CPSF3: variants seen among roughly 807,000 people sequenced by gnomAD.
The protein encoded by CPSF3 is cleavage and polyadenylation specific factor 3, also known as cleavage and polyadenylation specificity factor subunit 3.
CPSF3 carries 57 observed loss-of-function variants against 84.1 expected under a neutral mutation model. The observed-to-expected ratio is 0.68, with a 90% CI of 0.55 to 0.85. CPSF3 has a LOEUF of 0.85. Ranked by LOEUF, CPSF3 falls within the 40% of genes least tolerant of loss-of-function variation. The probability of loss-of-function intolerance (pLI) is 0.00; values close to 1 mark genes in which losing one functional copy is unlikely to be tolerated. For missense variants in CPSF3, 522 were observed against 838.8 expected (o/e 0.62, Z 4.66); for synonymous variants, 275 against 278.1 (o/e 0.99, Z 0.11).
chr2:9,465,530 TC>T (rs1681871420), intron 15 of CPSF3, among the ~76,000 whole-genome samples: 1 of 150,718 alleles, frequency 6.6e-6, no homozygotes, highest in Non-Finnish European at 1.5e-5. Flanking sequence ...TCTGGTATTT[TC>T]CCCCATATCA....
At chr2:9,446,570 G>A (rs1479101634) in intron 10 of CPSF3, among the ~76,000 whole-genome samples, 1 of 129,232 alleles carries the variant, frequency 7.7e-6, no homozygotes, top group Non-Finnish European at 1.6e-5. Flanking sequence ...GACGGAGCGA[G>A]ACTCGGTCTC....
rs776542675 is a variant in CPSF3 at position 9,455,653 on chromosome 2, C to G, written c.1505-6C>G. On this transcript the variant is annotated splice_polypyrimidine_tract_variant and splice_region_variant and intron_variant, in intron 12 of 17. Transcript: ENST00000238112. Reference sequence around the variant, plus strand: ...TTCTTCAAGTCTCTTCTCATTTTCTCTTCAGATTATACTGACCTGGCCATG... The same window carrying G: ...TTCTTCAAGTCTCTTCTCATTTTCTGTTCAGATTATACTGACCTGGCCATG... The G allele has an allele frequency of 6.2e-7, 1 of 1,605,736 alleles. No homozygotes were observed. The highest frequency in any genetic ancestry group is 1.1e-5 in the South Asian group (1 of 90,388).
intron 15 of CPSF3, among the ~76,000 whole-genome samples, chr2:9,466,390 GCGCA>G (rs1558466721): frequency 9.2e-5 from 7 of 75,702 alleles, no homozygotes; most frequent in Non-Finnish European, 2.4e-4. Context: ...TCGCACACAC[GCGCA>G]CACACACGCA....
chr2:9,455,614 T>A (rs1313554268), intron 12 of CPSF3, 45 bp from the exon 13 acceptor site: 1 of 1,337,326 alleles, frequency 7.5e-7, no homozygotes, highest in Admixed American at 1.8e-5. Context: ...GTATGTGTTT[T>A]GTAGGACTAG....
Position 9,466,414 on chromosome 2 carries a change from ACGCACACG to A in CPSF3, c.1787-1285_1787-1278del, listed in dbSNP as rs1343133370. 6.1e-3 allele frequency among the ~76,000 whole-genome samples: 897 copies of A among 146,222 alleles called. 4 individuals are homozygous for A. The highest frequency in any genetic ancestry group is 0.022 in the African/African-American group (837 of 38,194). ...CGCGCACACACACGCACGCGCACAC[ACGCACACG>A]CGCACACACGCGCACACACACAAAA... is the stretch of plus-strand genomic sequence containing the variant. On this transcript the variant is annotated intron_variant, in intron 15 of 17. Coordinates refer to ENST00000238112, the MANE Select transcript of CPSF3 (RefSeq NM_016207.4).
At chr2:9,428,011 T>G (rs1680447826) in intron 1 of CPSF3, among the ~76,000 whole-genome samples, 1 of 151,726 alleles carries the variant, frequency 6.6e-6, no homozygotes, top group Admixed American at 6.5e-5. Flanking sequence ...TTTTTTTTTT[T>G]TTTGAGGCAG....
At chr2:9,452,016 A>G (rs1225754732) in intron 11 of CPSF3, among the ~76,000 whole-genome samples, 2 of 152,136 alleles carry the variant, frequency 1.3e-5, no homozygotes, top group Admixed American at 1.3e-4. Context: ...ATGCCCGGCC[A>G]TAAATGAAAC....
At chr2:9,455,944 G>A (rs1681510835) in intron 13 of CPSF3, among the ~76,000 whole-genome samples, 187 bp downstream of exon 13, 1 of 151,692 alleles carries the variant, frequency 6.6e-6, no homozygotes, top group African/African-American at 2.4e-5. Context: ...ATTCTTGCCT[G>A]ACGGTCCTGG....
chr2:9,466,358 ACACACGCACACACCCACG>A (rs1681967755), intron 15 of CPSF3, among the ~76,000 whole-genome samples: 1 of 142,386 alleles, frequency 7.0e-6, no homozygotes, highest in African/African-American at 2.8e-5. Context: ...GCGCGCACAC[ACACACGCACACACCCACG>A]CACTCGCACA....
chr2:9,472,435 T>G (rs561089201), intron 17 of CPSF3, among the ~76,000 whole-genome samples: 2 of 152,266 alleles, frequency 1.3e-5, no homozygotes, highest in East Asian at 3.9e-4. Context: ...TTGTGTGGCA[T>G]AGATGAACTT....
intron 17 of CPSF3, among the ~76,000 whole-genome samples, chr2:9,472,319 CA>C (rs35266408): frequency 0.58 from 66,909 of 115,734 alleles, 16,225 homozygotes; most frequent in Middle Eastern, 0.69. Context: ...GATTCTGTCT[CA>C]AAAAAAAAAA....
intron 15 of CPSF3, among the ~76,000 whole-genome samples, chr2:9,461,004 G>GA (rs1681710245): frequency 6.6e-6 from 1 of 152,030 alleles, no homozygotes; most frequent in Non-Finnish European, 1.5e-5. Context: ...GATTTCATGA[G>GA]AAAAAAGTTG....
intron 15 of CPSF3, among the ~76,000 whole-genome samples, chr2:9,462,464 AGCCT>A (rs1448357147): frequency 6.6e-6 from 1 of 152,200 alleles, no homozygotes; most frequent in Non-Finnish European, 1.5e-5. Flanking sequence ...GAGCTCTGCC[AGCCT>A]GTTTTCCATG....
At chr2:9,453,319 C>T (rs557042177) in intron 12 of CPSF3, among the ~76,000 whole-genome samples, 1 of 152,308 alleles carries the variant, frequency 6.6e-6, no homozygotes, top group South Asian at 2.1e-4. Context: ...TCTGAAGTGA[C>T]TTTGGATTCC....
Position 9,453,039 on chromosome 2 carries a change from T to C in CPSF3, c.1504+18T>C. On this transcript the variant is annotated intron_variant, in intron 12 of 17. Coordinates refer to ENST00000238112, the MANE Select transcript of CPSF3 (RefSeq NM_016207.4). ...CCTGTCCAGTAAGTATACTATTAAA[T>C]GTCAAATCCAACTTCACCTTAGCAC... The C allele has an allele frequency of 6.8e-7, 1 of 1,462,778 alleles. No individual in the cohort carries two copies. Among genetic ancestry groups the C allele is most frequent in the Non-Finnish European group, 9.4e-7 (1 of 1,065,964 alleles). 90.6% of individuals were successfully genotyped at this position (1,462,778 alleles called of 1,614,324 possible).
chr2:9,440,767 G>A, intron 8 of CPSF3, 101 bp downstream of exon 8: 1 of 1,220,286 alleles, frequency 8.2e-7, no homozygotes, highest in Admixed American at 1.9e-5. Context: ...CTGTAATTTA[G>A]CACTTTGGGA....
intron 7 of CPSF3, among the ~76,000 whole-genome samples, chr2:9,437,964 T>TG (rs781356260): frequency 1.3e-5 from 2 of 152,342 alleles, no homozygotes; most frequent in Non-Finnish European, 2.9e-5. Context: ...ATTGTGCCAC[T>TG]GCACTCCAGG....
rs748900643 is a variant in CPSF3, at chr2:9,457,758, T to C, written c.1698+731T>C. Among the ~76,000 whole-genome samples, 3 of 152,188 alleles carry C rather than the reference T, an allele frequency of 2.0e-5. No individual in the cohort carries two copies. In the East Asian group the frequency reaches 5.8e-4, roughly 29 times the overall value. On this transcript the variant is annotated intron_variant, in intron 14 of 17. Coordinates refer to ENST00000238112, the MANE Select transcript of CPSF3 (RefSeq NM_016207.4). ...ATTTCATTCATACATTCTAATTTTT[T>C]TTTTCTTTTTTTGAGACAGAGTCTT...
intron 15 of CPSF3, among the ~76,000 whole-genome samples, chr2:9,459,834 G>T (rs1206888495): frequency 1.3e-5 from 2 of 151,680 alleles, no homozygotes. Context: ...ATTTTTAGTA[G>T]AGGTGGGGTT....
Sources: gnomAD v4.1 joint callset for allele counts (sites outside exome capture counted in the v4.1 genomes callset) on GRCh38, gnomAD v4.1.1 for gene constraint, MANE v1.5 for transcripts, NCBI Gene and HGNC (gene_info 2026-07-23, HGNC 2026-07-21) for gene names.